Variants in PPM1E observed in about 807,000 individuals in gnomAD.
PPM1E encodes the protein protein phosphatase, Mg2+/Mn2+ dependent 1E.
In PPM1E, 20 loss-of-function variants were observed where a neutral mutation model predicts 65.9. The ratio of observed to expected loss-of-function variants is 0.30; its 90% CI spans 0.21 to 0.44. PPM1E has a LOEUF of 0.44. PPM1E is among the 20% of genes least tolerant of loss of function. The pLI is 1.00. For missense variants in PPM1E, 713 were observed against 953.1 expected, an observed-to-expected ratio of 0.75 and a Z score of 3.32; for synonymous variants, 352 against 374.9, an observed-to-expected ratio of 0.94 and a Z score of 0.70.
chr17:58,876,666 G>A (rs929629630), intron 1 of PPM1E, among the ~76,000 whole-genome samples: 9 of 152,130 alleles, frequency 5.9e-5, no homozygotes, highest in Admixed American at 2.0e-4. Flanking sequence ...GAAGACTGAC[G>A]ATAATTAAAA....
chr17:58,788,250 C>T (rs577505763), intron 1 of PPM1E, among the ~76,000 whole-genome samples: 8 of 152,024 alleles, frequency 5.3e-5, no homozygotes, highest in South Asian at 2.1e-4. Flanking sequence ...GAGGTTTCAC[C>T]GTGTTGGCAA....
chr17:58,898,570 A>G (rs1336134060), intron 1 of PPM1E, among the ~76,000 whole-genome samples: 1 of 152,212 alleles, frequency 6.6e-6, no homozygotes, highest in East Asian at 1.9e-4. Flanking sequence ...GGGAGTGTAA[A>G]CTAGTTCAAT....
At position 58,952,910 on chromosome 17, in the gene PPM1E, G is replaced by A. The variant is rs144504850; in HGVS notation, c.465-2739G>A. ...AGGCTGGTCTCAAACTCCTGACCTT[G>A]TGATCTGCCCACCTCAGCCTCCCAA... On this transcript the variant is annotated intron_variant, in intron 1 of 6. Transcript: ENST00000308249. Among the ~76,000 whole-genome samples, 1,487 of 152,174 alleles carry A rather than the reference G, an allele frequency of 9.8e-3. 10 individuals carry two copies. Among genetic ancestry groups the A allele is most frequent in the South Asian group, 0.026 (126 of 4,816 alleles).
chr17:58,906,987 G>A (rs979741561), intron 1 of PPM1E, among the ~76,000 whole-genome samples: 4 of 152,028 alleles, frequency 2.6e-5, no homozygotes, highest in East Asian at 1.9e-4. Context: ...CTGTAATCCC[G>A]GCACTTTGAG....
chr17:58,766,270 C>T (rs527721792), intron 1 of PPM1E, among the ~76,000 whole-genome samples: 30 of 139,644 alleles, frequency 2.1e-4, no homozygotes, highest in South Asian at 4.7e-4. Flanking sequence ...GGCACGATCT[C>T]GGCTCACTGC....
chr17:58,816,192 A>C (rs2143114228), intron 1 of PPM1E, among the ~76,000 whole-genome samples: 1 of 151,740 alleles, frequency 6.6e-6, no homozygotes, highest in East Asian at 1.9e-4. Context: ...CGCCCAGCTA[A>C]TTTTTGTATT....
chr17:58,865,519 G>T (rs1350223079), intron 1 of PPM1E, among the ~76,000 whole-genome samples: 1 of 152,162 alleles, frequency 6.6e-6, no homozygotes, highest in Non-Finnish European at 1.5e-5. Context: ...AGACCAGCCT[G>T]GGCAACATGG....
At chr17:58,810,504 C>T (rs911625614) in intron 1 of PPM1E, among the ~76,000 whole-genome samples, 2 of 152,066 alleles carry the variant, frequency 1.3e-5, no homozygotes, top group Non-Finnish European at 2.9e-5. Context: ...TGCGCCCGGC[C>T]GCTGTGTACT....
At chr17:58,830,734 G>A (rs1395623375) in intron 1 of PPM1E, among the ~76,000 whole-genome samples, 1 of 151,864 alleles carries the variant, frequency 6.6e-6, no homozygotes, top group Non-Finnish European at 1.5e-5. Context: ...TGCCCAGGCT[G>A]GAGTGCAGTG....
chr17:58,963,453 C>T (rs1340250727), intron 2 of PPM1E, among the ~76,000 whole-genome samples: 3 of 150,596 alleles, frequency 2.0e-5, no homozygotes, highest in Admixed American at 6.6e-5. Flanking sequence ...CTTTGGGAGG[C>T]CGAGGCGGGT....
intron 1 of PPM1E, chr17:58,899,705 A>G (rs1243476085): frequency 2.6e-5 from 5 of 195,826 alleles, no homozygotes; most frequent in Non-Finnish European, 4.4e-5. Flanking sequence ...CAATAAAACT[A>G]CAGCTCATGC....
chr17:58,983,248 G>A lies in PPM1E; in HGVS notation c.*2217G>A, dbSNP rs981645554. On this transcript the variant is annotated 3_prime_UTR_variant, in exon 7 of 7. Coordinates refer to ENST00000308249, the MANE Select transcript of PPM1E (RefSeq NM_014906.5). Reference sequence around the variant, plus strand: ...AAAGCAAAGTAGTTCTAGTGTGGTCGTTATAAACCAATATTGTGAAAAATA... The same window carrying A: ...AAAGCAAAGTAGTTCTAGTGTGGTCATTATAAACCAATATTGTGAAAAATA... 28 of 223,470 alleles carry A rather than the reference G, an allele frequency of 1.3e-4. No homozygotes were observed. Among genetic ancestry groups the A allele is most frequent in the Non-Finnish European group, 2.5e-4 (28 of 114,264 alleles). 13.8% of individuals were successfully genotyped at this position (223,470 alleles called of 1,614,324 possible). A position where few individuals can be genotyped will look rare whatever the true frequency, so the allele number is the denominator to read the frequency against.
chr17:58,969,201 C>T (rs1023429221), intron 3 of PPM1E, among the ~76,000 whole-genome samples: 3 of 151,982 alleles, frequency 2.0e-5, no homozygotes, highest in Non-Finnish European at 4.4e-5. Context: ...CCCTCCCTAT[C>T]CCCCCTCCCC....
intron 2 of PPM1E, among the ~76,000 whole-genome samples, chr17:58,957,948 G>C (rs2029903779): frequency 6.6e-6 from 1 of 152,080 alleles, no homozygotes; most frequent in African/African-American, 2.4e-5. Flanking sequence ...TTTGAGACCA[G>C]CCTGGGCAAT....
At chr17:58,939,008 G>A (rs1024010144) in intron 1 of PPM1E, among the ~76,000 whole-genome samples, 3 of 151,796 alleles carry the variant, frequency 2.0e-5, no homozygotes, top group Admixed American at 6.6e-5. Context: ...GGCTGGTCTC[G>A]AACTCCGGAC....
intron 1 of PPM1E, among the ~76,000 whole-genome samples, chr17:58,953,893 G>A (rs1225738159): frequency 5.9e-5 from 9 of 152,148 alleles, no homozygotes; most frequent in East Asian, 3.9e-4. Flanking sequence ...GATTACAGGC[G>A]TGTACCACCA....
intron 1 of PPM1E, among the ~76,000 whole-genome samples, chr17:58,939,007 C>T (rs1464901500): frequency 1.3e-5 from 2 of 151,862 alleles, no homozygotes; most frequent in African/African-American, 2.4e-5. Context: ...AGGCTGGTCT[C>T]GAACTCCGGA....
At chr17:58,976,953 A>G (rs545052841) in intron 6 of PPM1E, among the ~76,000 whole-genome samples, 13 of 152,314 alleles carry the variant, frequency 8.5e-5, no homozygotes, top group Admixed American at 2.0e-4. Context: ...ACTTTAGTAA[A>G]TTGGTGAAGG....
At chr17:58,882,951 C>CTTTTTTTTTTTTTTT (rs549698099) in intron 1 of PPM1E, among the ~76,000 whole-genome samples, 1 of 98,836 alleles carries the variant, frequency 1.0e-5, no homozygotes, top group African/African-American at 3.9e-5. Flanking sequence ...TTATTACTTT[C>CTTTTTTTTTTTTTTT]TTTTTTTTTT....
Sources: allele counts gnomAD v4.1 joint callset (sites outside exome capture counted in the v4.1 genomes callset), GRCh38; gene constraint gnomAD v4.1.1; transcripts MANE v1.5; gene names NCBI Gene and HGNC (gene_info 2026-07-23, HGNC 2026-07-21).